Variants in STX8 observed in about 807,000 individuals in gnomAD.
STX8 encodes syntaxin-8.
A neutral mutation model predicts 37.5 loss-of-function variants in STX8; 23 were observed. That is an observed-to-expected ratio of 0.61 (90% CI 0.44 to 0.87). The LOEUF is 0.87. Among genes scored for constraint, STX8 ranks in the 40% least tolerant of loss-of-function variants. The probability of loss-of-function intolerance (pLI) is 0.00; values close to 1 mark genes in which losing one functional copy is unlikely to be tolerated. For synonymous variants in STX8, 115 were observed against 99.1 expected, an observed-to-expected ratio of 1.16 and a Z score of -0.95; for missense variants, 313 against 284.7, an observed-to-expected ratio of 1.10 and a Z score of -0.71.
chr17:9,267,441 G>A (rs1907269480), intron 7 of STX8, among the ~76,000 whole-genome samples: 1 of 152,144 alleles, frequency 6.6e-6, no homozygotes, highest in African/African-American at 2.4e-5. Flanking sequence ...TTCCCCATGT[G>A]TGATGGCCTT....
intron 7 of STX8, among the ~76,000 whole-genome samples, chr17:9,361,234 G>A (rs1232653961): frequency 1.3e-5 from 2 of 152,150 alleles, no homozygotes; most frequent in Non-Finnish European, 2.9e-5. Context: ...GCAACATCTG[G>A]AGTTAAGTTA....
chr17:9,482,608 C>T (rs185609225), intron 6 of STX8, among the ~76,000 whole-genome samples: 8 of 152,180 alleles, frequency 5.3e-5, no homozygotes, highest in Admixed American at 3.3e-4. Context: ...GCACCAGCAA[C>T]GAAAACTTCT....
chr17:9,304,521 A>AG (rs1908897764), intron 7 of STX8, among the ~76,000 whole-genome samples: 1 of 151,136 alleles, frequency 6.6e-6, no homozygotes, highest in East Asian at 1.9e-4. Context: ...AAAAAAAAAA[A>AG]AAAAAAAAGA....
intron 6 of STX8, among the ~76,000 whole-genome samples, chr17:9,465,072 C>A (rs1905551884): frequency 6.6e-6 from 1 of 152,046 alleles, no homozygotes; most frequent in South Asian, 2.1e-4. Context: ...TTTTAGGTTT[C>A]AATGTATTCT....
intron 7 of STX8, among the ~76,000 whole-genome samples, chr17:9,282,035 T>C (rs1171457248): frequency 6.6e-6 from 1 of 152,240 alleles, no homozygotes. Context: ...CCTCATCAGA[T>C]GCCACTTCTC....
intron 6 of STX8, among the ~76,000 whole-genome samples, chr17:9,409,263 C>T (rs1011418708): frequency 6.6e-6 from 1 of 152,060 alleles, no homozygotes; most frequent in Non-Finnish European, 1.5e-5. Context: ...TGCCTGCAGG[C>T]GTAGAAACTA....
intron 6 of STX8, among the ~76,000 whole-genome samples, chr17:9,383,848 A>C (rs1003498299): frequency 2.0e-5 from 3 of 152,238 alleles, no homozygotes; most frequent in Admixed American, 2.0e-4. Flanking sequence ...AAAGTAAAAA[A>C]ATCCATTATA....
At chr17:9,434,749 G>A (rs1415586096) in intron 6 of STX8, among the ~76,000 whole-genome samples, 1 of 152,228 alleles carries the variant, frequency 6.6e-6, no homozygotes, top group East Asian at 1.9e-4. Flanking sequence ...CTCATAGGCA[G>A]TGTGTCCAGA....
intron 7 of STX8, among the ~76,000 whole-genome samples, chr17:9,334,155 G>T (rs963634407): frequency 6.6e-6 from 1 of 151,360 alleles, no homozygotes; most frequent in Non-Finnish European, 1.5e-5. Context: ...GTGTGGGGGT[G>T]GGGGGCAGTC....
At chr17:9,391,553 G>C (rs2142304479) in intron 6 of STX8, among the ~76,000 whole-genome samples, 1 of 152,000 alleles carries the variant, frequency 6.6e-6, no homozygotes, top group Admixed American at 6.6e-5. Flanking sequence ...CAAAACAAAT[G>C]TGGCTAAACG....
At chr17:9,488,980 G>A (rs185989881) in intron 6 of STX8, among the ~76,000 whole-genome samples, 2,184 of 152,202 alleles carry the variant, frequency 0.014, 21 homozygotes, top group Non-Finnish European at 0.024. Context: ...GGGTTCAAGC[G>A]ATTCTCCTGC....
intron 6 of STX8, among the ~76,000 whole-genome samples, chr17:9,395,349 C>A (rs2142309872): frequency 6.6e-6 from 1 of 152,234 alleles, no homozygotes; most frequent in Admixed American, 6.5e-5. Flanking sequence ...TGCCTCTAAT[C>A]CCAGCACTTT....
chr17:9,496,860 G>C (rs185292730), intron 5 of STX8, among the ~76,000 whole-genome samples: 96 of 152,214 alleles, frequency 6.3e-4, no homozygotes, highest in African/African-American at 2.2e-3. Context: ...AAAAAGTAAG[G>C]GAACGAATTC....
chr17:9,487,406 G>A (rs892536573), intron 6 of STX8, among the ~76,000 whole-genome samples: 5 of 151,198 alleles, frequency 3.3e-5, no homozygotes, highest in African/African-American at 1.2e-4. Context: ...AGATGGGGCT[G>A]CAGCCCCATT....
intron 4 of STX8, among the ~76,000 whole-genome samples, chr17:9,506,108 C>A (rs1904813142): frequency 6.6e-6 from 1 of 152,110 alleles, no homozygotes; most frequent in Admixed American, 6.5e-5. Flanking sequence ...GCCCTTTCTG[C>A]ACGAGACCAG....
intron 3 of STX8, among the ~76,000 whole-genome samples, chr17:9,546,652 C>G (rs1165417648): frequency 8.6e-6 from 1 of 115,744 alleles, no homozygotes; most frequent in Non-Finnish European, 1.6e-5. Context: ...GGCTGGAGTG[C>G]AGTGGCGCGA....
intron 7 of STX8, among the ~76,000 whole-genome samples, chr17:9,294,636 C>G (rs1482442416): frequency 6.6e-6 from 1 of 152,118 alleles, no homozygotes; most frequent in Non-Finnish European, 1.5e-5. Context: ...GAGGAGGGTA[C>G]TTCATTGATG....
At chr17:9,395,631 G>C (rs1239076927) in intron 6 of STX8, among the ~76,000 whole-genome samples, 1 of 152,148 alleles carries the variant, frequency 6.6e-6, no homozygotes, top group East Asian at 1.9e-4. Flanking sequence ...CTAAGGTATA[G>C]GTCCTTTGGG....
Position 9,414,095 on chromosome 17 carries a change from C to T in STX8, c.542-35442G>A, listed in dbSNP as rs1913084218. Among the ~76,000 whole-genome samples, 18 of 76,864 alleles carry T rather than the reference C, an allele frequency of 2.3e-4. 1 individual carries two copies. The highest frequency in any genetic ancestry group is 8.8e-4 in the African/African-American group (15 of 16,986). The allele number at this position is 76,864 out of a possible 152,430, so 50.4% of individuals were successfully genotyped here. A position where few individuals can be genotyped will look rare whatever the true frequency, so the allele number is the denominator to read the frequency against. ...CCACCCATCTGTCCATCCATCCATC[C>T]ATCCATCCATCCATCCATCCATCCA... On this transcript the variant is annotated intron_variant, in intron 6 of 7. Coordinates refer to ENST00000306357, the MANE Select transcript of STX8 (RefSeq NM_004853.3).
Sources: gnomAD v4.1 joint callset for allele counts (sites outside exome capture counted in the v4.1 genomes callset) on GRCh38, gnomAD v4.1.1 for gene constraint, MANE v1.5 for transcripts, NCBI Gene and HGNC (gene_info 2026-07-23, HGNC 2026-07-21) for gene names.